The following ADGRB1 variants were observed in gnomAD, a reference collection of about 807,000 sequenced individuals.
ADGRB1 encodes brain-specific angiogenesis inhibitor 1.
A neutral mutation model predicts 175.7 loss-of-function variants in ADGRB1; 36 were observed. The observed-to-expected ratio is 0.20, with a 90% CI of 0.16 to 0.27. The LOEUF (loss-of-function observed/expected upper bound fraction) is 0.27. Ranked by LOEUF, ADGRB1 falls within the 10% of genes least tolerant of loss-of-function variation. The pLI, the probability that ADGRB1 is intolerant of heterozygous loss-of-function variation, is 1.00. For synonymous variants in ADGRB1, 1,054 were observed against 979.4 expected (o/e 1.08, Z -1.42); for missense variants, 1,731 against 2,255.3 (o/e 0.77, Z 4.71).
At chr8:142,462,708 C>T (rs1840034667) in intron 1 of ADGRB1, among the ~76,000 whole-genome samples, 1 of 152,268 alleles carries the variant, frequency 6.6e-6, no homozygotes, top group Non-Finnish European at 1.5e-5. Context: ...AGAGCGGAGG[C>T]ATCCCCACCA....
At chr8:142,505,963 G>T (rs1247506975) in intron 17 of ADGRB1, among the ~76,000 whole-genome samples, 1 of 152,212 alleles carries the variant, frequency 6.6e-6, no homozygotes, top group Non-Finnish European at 1.5e-5. Context: ...TGGCAGGCTG[G>T]CCGTGCCCTC....
chr8:142,464,833 C>G lies in ADGRB1; in HGVS notation c.635C>G (p.Pro212Arg). 4.6e-6 allele frequency: 7 copies of G among 1,527,770 alleles called. No homozygotes were observed. Among genetic ancestry groups the G allele is most frequent in the Non-Finnish European group, 6.1e-6 (7 of 1,142,652 alleles). 94.6% of individuals were successfully genotyped at this position (1,527,770 alleles called of 1,614,324 possible). ...SSHPCGIMQT[P>R]CACLGGEAGG... is the part of the protein sequence containing the mutation. ...CACCCCTGCGGGATCATGCAGACCC[C>G]CTGCGCCTGCCTGGGCGGCGAGGCG... The change falls in exon 2 of 31, where the codon CCC becomes CGC. Residue 212 changes from proline to arginine, a missense_variant. This residue lies in a region of ADGRB1 where 383 missense variants were observed against 383.1 expected (regional missense o/e 1.00). Coordinates refer to ENST00000517894, the MANE Select transcript of ADGRB1 (RefSeq NM_001702.3).
intron 25 of ADGRB1, among the ~76,000 whole-genome samples, chr8:142,534,457 G>A (rs1321781794): frequency 6.6e-6 from 1 of 152,202 alleles, no homozygotes; most frequent in Non-Finnish European, 1.5e-5. Context: ...ACAAGTCAGG[G>A]AAGTGGATGT....
At chr8:142,528,749 A>G (rs1268908661) in intron 24 of ADGRB1, among the ~76,000 whole-genome samples, 2 of 151,350 alleles carry the variant, frequency 1.3e-5, no homozygotes, top group African/African-American at 2.4e-5. Flanking sequence ...TTCCTTTTCT[A>G]CCGTCCACTC....
intron 13 of ADGRB1, among the ~76,000 whole-genome samples, chr8:142,487,985 C>T (rs753584396): frequency 4.6e-5 from 7 of 152,138 alleles, no homozygotes; most frequent in Non-Finnish European, 7.4e-5. Context: ...GAGTGGGGGG[C>T]GCTGAGGAGG....
chr8:142,534,823 TG>T lies in ADGRB1; in HGVS notation c.3570+1360del, dbSNP rs545466095. ...GCCGCTCACCCTGGTGCACGCCACATGGGCCAGGCCCTGGTCCCAGCAATGA... is the reference window on the plus strand; with the variant it reads ...GCCGCTCACCCTGGTGCACGCCACATGGCCAGGCCCTGGTCCCAGCAATGA... On this transcript the variant is annotated intron_variant, in intron 25 of 30. Transcript: ENST00000517894. Among the ~76,000 whole-genome samples, 1,056 of 152,324 alleles carry T rather than the reference TG, an allele frequency of 6.9e-3. 5 individuals are homozygous for T. Among genetic ancestry groups the T allele is most frequent in the Non-Finnish European group, 0.011 (772 of 68,032 alleles).
intron 1 of ADGRB1, among the ~76,000 whole-genome samples, chr8:142,463,490 C>A (rs978864014): frequency 6.6e-6 from 1 of 152,254 alleles, no homozygotes. Flanking sequence ...TCCCTTCCCA[C>A]GGGGTTTGCA....
chr8:142,516,520 G>A (rs115373590), intron 18 of ADGRB1, among the ~76,000 whole-genome samples: 2,682 of 148,764 alleles, frequency 0.018, 88 homozygotes, highest in African/African-American at 0.064. Flanking sequence ...GTGCGTGTGC[G>A]GGTCCCAGGT....
chr8:142,486,619 G>A (rs376186619), intron 13 of ADGRB1, among the ~76,000 whole-genome samples: 1 of 152,242 alleles, frequency 6.6e-6, no homozygotes, highest in Non-Finnish European at 1.5e-5. Flanking sequence ...GGAAACCATA[G>A]CTTCGTGCCT....
At chr8:142,494,073 G>A (rs894728984) in intron 17 of ADGRB1, among the ~76,000 whole-genome samples, 2 of 152,180 alleles carry the variant, frequency 1.3e-5, no homozygotes, top group African/African-American at 2.4e-5. Flanking sequence ...CTGTGTGTGA[G>A]GAGCACAGTG....
intron 13 of ADGRB1, among the ~76,000 whole-genome samples, chr8:142,485,762 G>T (rs140894995): frequency 1.3e-5 from 2 of 152,186 alleles, no homozygotes; most frequent in East Asian, 3.9e-4. Context: ...CCTGAGCACC[G>T]TGGTTACCCC....
chr8:142,450,620 C>T (rs1006730769), intron 1 of ADGRB1, among the ~76,000 whole-genome samples: 1 of 151,992 alleles, frequency 6.6e-6, no homozygotes, highest in African/African-American at 2.4e-5. Flanking sequence ...CCCCTACAGA[C>T]ATTGTAAGGG....
At chr8:142,483,945 C>G (rs1334573584) in intron 11 of ADGRB1, 32 bp from the exon 12 acceptor site, 2 of 1,611,494 alleles carry the variant, frequency 1.2e-6, no homozygotes, top group South Asian at 1.1e-5. Flanking sequence ...GCCCTGTTCT[C>G]TGTCACTGGC....
chr8:142,456,929 C>T (rs993235455), intron 1 of ADGRB1, among the ~76,000 whole-genome samples: 1 of 152,258 alleles, frequency 6.6e-6, no homozygotes, highest in Admixed American at 6.5e-5. Flanking sequence ...GGCAGCCCTG[C>T]CTTCGAGGGC....
Position 142,488,568 on chromosome 8 carries a change from G to A in ADGRB1, c.2452+61G>A, listed in dbSNP as rs111906817. The A allele has an allele frequency of 5.2e-3, 8,299 of 1,588,576 alleles. 389 individuals carry two copies. In the African/African-American group the frequency reaches 0.097, roughly 19 times the overall value. On this transcript the variant is annotated intron_variant, in intron 14 of 30. Transcript: ENST00000517894. ...GGGGACGTGGGCCCCAGAGTCGGAC[G>A]GTCACCACCCTTCTGGAGTCTAGCT... is the stretch of plus-strand genomic sequence containing the variant.
chr8:142,465,967 C>T (rs1023555378), intron 2 of ADGRB1, among the ~76,000 whole-genome samples: 1 of 152,154 alleles, frequency 6.6e-6, no homozygotes, highest in Non-Finnish European at 1.5e-5. Flanking sequence ...GCAGCGTCCT[C>T]GGGGTAGAGC....
intron 2 of ADGRB1, among the ~76,000 whole-genome samples, chr8:142,471,305 G>T (rs925104168): frequency 6.6e-6 from 1 of 152,224 alleles, no homozygotes; most frequent in African/African-American, 2.4e-5. Flanking sequence ...CCCCACGCCC[G>T]CCTGGCTGCG....
intron 2 of ADGRB1, among the ~76,000 whole-genome samples, 197 bp downstream of exon 2, chr8:142,465,179 T>C (rs538478849): frequency 7.2e-5 from 11 of 152,154 alleles, no homozygotes; most frequent in Non-Finnish European, 1.3e-4. Context: ...CTGGAGAGTG[T>C]GTACCCTGGC....
intron 8 of ADGRB1, 50 bp downstream of exon 8, chr8:142,479,537 T>C (rs12680973): frequency 0.83 from 1,248,989 of 1,506,876 alleles, 518,391 homozygotes; most frequent in African/African-American, 0.91. Flanking sequence ...TGATGGCGAT[T>C]GGGCGGGCTT....
Sources: gnomAD v4.1 joint callset for allele counts (sites outside exome capture counted in the v4.1 genomes callset) on GRCh38, gnomAD v4.1.1 for gene constraint, gnomAD v4.1.1 regional missense constraint, MANE v1.5 for transcripts, NCBI Gene and HGNC (gene_info 2026-07-23, HGNC 2026-07-21) for gene names.